The following SFT2D2 variants were observed in gnomAD, a reference collection of about 807,000 sequenced individuals.
The protein encoded by SFT2D2 is vesicle transport protein SFT2B.
In SFT2D2, 21 loss-of-function variants were observed where a neutral mutation model predicts 27.4. The observed-to-expected ratio is 0.77, with a 90% CI of 0.54 to 1.10. SFT2D2 has a LOEUF of 1.10. Ranked by LOEUF, SFT2D2 falls within the 50% of genes least tolerant of loss-of-function variation. The pLI, the probability that SFT2D2 is intolerant of heterozygous loss-of-function variation, is 0.00. For synonymous variants in SFT2D2, 72 were observed against 71.7 expected (o/e 1.00, Z -0.02); for missense variants, 187 against 194.2 (o/e 0.96, Z 0.22).
intron 6 of SFT2D2, among the ~76,000 whole-genome samples, chr1:168,238,686 C>T (rs1295491417): frequency 1.3e-5 from 2 of 150,738 alleles, no homozygotes; most frequent in Non-Finnish European, 2.9e-5. Flanking sequence ...GTGACGAGCA[C>T]GACCCTGTCT....
intron 3 of SFT2D2, among the ~76,000 whole-genome samples, chr1:168,234,402 A>C (rs189652810): frequency 0.011 from 1,601 of 151,506 alleles, 28 homozygotes; most frequent in African/African-American, 0.032. Context: ...CAAAAAAAAA[A>C]AAACAAACAA....
At position 168,239,142 on chromosome 1, in the gene SFT2D2, C is replaced by G. The variant is rs770978777; in HGVS notation, c.425C>G (p.Ser142Cys). The part of the protein sequence containing the change: ...QSLALTWYSL[S>C]FIPFARDAVK... The stretch of plus-strand genomic sequence containing the variant: ...GTTTTTCATTATAGGTACAGCCTTT[C>G]CTTCATACCATTTGCAAGGTAAGAC... The change falls in exon 7 of 8, where the codon TCC becomes TGC. Residue 142 changes from serine to cysteine, a missense_variant. By Grantham distance (112) the Ser-to-Cys change is moderately radical. Transcript: ENST00000271375. 4 of 1,607,498 alleles carry G rather than the reference C, an allele frequency of 2.5e-6. No homozygotes were observed. In the South Asian group the frequency reaches 4.4e-5, roughly 18 times the overall value.
intron 6 of SFT2D2, 126 bp downstream of exon 6, chr1:168,236,896 C>T (rs1007955420): frequency 1.7e-5 from 19 of 1,149,490 alleles, no homozygotes; most frequent in African/African-American, 1.5e-5. Context: ...TTTAAGGATT[C>T]GTAATGATGA....
Position 168,250,323 on chromosome 1 carries a change from C to T in SFT2D2, c.*7783C>T, listed in dbSNP as rs1338534063. The stretch of plus-strand genomic sequence containing the variant: ...AAATCTGCTGAAACCTGTTACCAAG[C>T]AACAGCAGTGATTAAAAGCAACCTG... On this transcript the variant is annotated 3_prime_UTR_variant, in exon 8 of 8. Coordinates refer to ENST00000271375, the MANE Select transcript of SFT2D2 (RefSeq NM_199344.3). 6.6e-6 allele frequency: 1 copy of T among 152,220 alleles called. No homozygotes were observed. The highest frequency in any genetic ancestry group is 2.4e-5 in the African/African-American group (1 of 41,448). 9.4% of individuals were successfully genotyped at this position (152,220 alleles called of 1,614,324 possible).
In SFT2D2 at chr1:168,246,281, T is replaced by C; in HGVS notation, c.*3741T>C. The C allele has an allele frequency of 5.2e-6, 2 of 388,348 alleles. No individual in the cohort carries two copies. Among genetic ancestry groups the C allele is most frequent in the South Asian group, 4.6e-5 (2 of 43,144 alleles). 24.1% of individuals were successfully genotyped at this position (388,348 alleles called of 1,614,324 possible). On this transcript the variant is annotated 3_prime_UTR_variant, in exon 8 of 8. Transcript: ENST00000271375. ...CTTGACTATCAATTACTGTTTTTTCTTGATTGTCAGCTTTGTTGTGAACAT... is the reference window on the plus strand; with the variant it reads ...CTTGACTATCAATTACTGTTTTTTCCTGATTGTCAGCTTTGTTGTGAACAT...
At chr1:168,229,497 T>TA (rs1181711319) in intron 1 of SFT2D2, 1 of 152,320 alleles carries the variant, frequency 6.6e-6, no homozygotes, top group Non-Finnish European at 1.5e-5. Context: ...AGTCCAATCT[T>TA]ACTACCACTT....
At chr1:168,231,727 G>A (rs1647318792) in intron 2 of SFT2D2, 107 bp from the exon 3 acceptor site, 1 of 1,427,646 alleles carries the variant, frequency 7.0e-7, no homozygotes, top group East Asian at 2.3e-5. Context: ...AGGGGAATAA[G>A]GGAGGTGGGG....
intron 3 of SFT2D2, among the ~76,000 whole-genome samples, chr1:168,232,797 G>A (rs1558175779): frequency 3.9e-5 from 6 of 152,170 alleles, no homozygotes; most frequent in African/African-American, 1.2e-4. Context: ...TATAACTCAT[G>A]ATATAACAAG....
At chr1:168,232,288 CT>C (rs1255620900) in intron 3 of SFT2D2, among the ~76,000 whole-genome samples, 1 of 152,172 alleles carries the variant, frequency 6.6e-6, no homozygotes, top group Admixed American at 6.5e-5. Context: ...ATAAGGGAAA[CT>C]GGTTTTTATT....
At chr1:168,226,326 G>A (rs1318422794) in intron 1 of SFT2D2, among the ~76,000 whole-genome samples, 184 bp downstream of exon 1, 1 of 151,590 alleles carries the variant, frequency 6.6e-6, no homozygotes, top group African/African-American at 2.4e-5. Context: ...TGGCCGCGGC[G>A]TCCTTTTCTG....
chr1:168,236,922 C>T, intron 6 of SFT2D2, 152 bp downstream of exon 6: 1 of 985,564 alleles, frequency 1.0e-6, no homozygotes, highest in Non-Finnish European at 1.5e-6. Flanking sequence ...AAGTCAGGCT[C>T]CAGAGCAAAT....
At chr1:168,242,418 G>C in intron 7 of SFT2D2, 83 bp from the exon 8 acceptor site, 1 of 1,487,306 alleles carries the variant, frequency 6.7e-7, no homozygotes, top group East Asian at 2.3e-5. Flanking sequence ...TTTCTACTCT[G>C]CAGCTTCCAC....
intron 4 of SFT2D2, 116 bp downstream of exon 4, chr1:168,235,298 T>C: frequency 4.1e-6 from 4 of 980,078 alleles, no homozygotes; most frequent in Middle Eastern, 2.2e-4. Context: ...GCTTGACTTA[T>C]TACCCTATTC....
chr1:168,250,983 A>G lies in SFT2D2; in HGVS notation c.*8443A>G, dbSNP rs1158587603. On this transcript the variant is annotated 3_prime_UTR_variant, in exon 8 of 8. Coordinates refer to ENST00000271375, the MANE Select transcript of SFT2D2 (RefSeq NM_199344.3). ...TCACTGCAGGCTCAGGGAGCAAGAA[A>G]TAAAATCATGAAATGCATTCCAAAT... 1 of 152,272 alleles carries G rather than the reference A, an allele frequency of 6.6e-6. No individual in the cohort carries two copies. Among genetic ancestry groups the G allele is most frequent in the Non-Finnish European group, 1.5e-5 (1 of 68,106 alleles). The allele number at this position is 152,272 out of a possible 1,614,324, so 9.4% of individuals were successfully genotyped here.
At position 168,236,625 on chromosome 1, in the gene SFT2D2, G is replaced by A. The variant is rs750433440; in HGVS notation, c.354+1G>A. The A allele has an allele frequency of 3.1e-6, 5 of 1,613,438 alleles. No homozygotes were observed. Among genetic ancestry groups the A allele is most frequent in the Non-Finnish European group, 4.2e-6 (5 of 1,179,924 alleles). ...ACTTACCCTGTGTTCTGCCTTTTGGGTAAATGTATATTTTAATTTTTCTTA... is the reference window on the plus strand; with the variant it reads ...ACTTACCCTGTGTTCTGCCTTTTGGATAAATGTATATTTTAATTTTTCTTA... On this transcript the variant is annotated splice_donor_variant, in intron 5 of 7. Transcript: ENST00000271375. LOFTEE classifies it high-confidence loss of function.
intron 7 of SFT2D2, among the ~76,000 whole-genome samples, chr1:168,239,990 A>G (rs921683766): frequency 1.3e-5 from 2 of 151,910 alleles, no homozygotes; most frequent in Non-Finnish European, 2.9e-5. Context: ...CCTGGCTAAC[A>G]CAGTGAAACC....
chr1:168,230,223 C>G (rs1260374189), intron 1 of SFT2D2, among the ~76,000 whole-genome samples: 1 of 152,146 alleles, frequency 6.6e-6, no homozygotes, highest in African/African-American at 2.4e-5. Context: ...AGTTGCCAGT[C>G]TAATGACTCT....
At position 168,252,374 on chromosome 1, in the gene SFT2D2, A is replaced by G. The variant is rs1004930237; in HGVS notation, c.*9834A>G. ...TATCCTTGTGAGGCATCCTTAAAGGACAAATTGCAGCTGGTATTTGGGTGA... is the reference window on the plus strand; with the variant it reads ...TATCCTTGTGAGGCATCCTTAAAGGGCAAATTGCAGCTGGTATTTGGGTGA... On this transcript the variant is annotated 3_prime_UTR_variant, in exon 8 of 8. Coordinates refer to ENST00000271375, the MANE Select transcript of SFT2D2 (RefSeq NM_199344.3). 1 of 152,200 alleles carries G rather than the reference A, an allele frequency of 6.6e-6. No homozygotes were observed. The highest frequency in any genetic ancestry group is 1.5e-5 in the Non-Finnish European group (1 of 68,046). 9.4% of individuals were successfully genotyped at this position (152,200 alleles called of 1,614,324 possible).
At chr1:168,232,385 A>G (rs17560517) in intron 3 of SFT2D2, among the ~76,000 whole-genome samples, 8,505 of 152,304 alleles carry the variant, frequency 0.056, 275 homozygotes, top group South Asian at 0.15. Flanking sequence ...CCCATTCTGC[A>G]TGTTGTGGAT....
Sources: allele counts gnomAD v4.1 joint callset (sites outside exome capture counted in the v4.1 genomes callset), GRCh38; gene constraint gnomAD v4.1.1; transcripts MANE v1.5; gene names NCBI Gene and HGNC (gene_info 2026-07-23, HGNC 2026-07-21).